Variants in TBL1XR1 observed in about 807,000 individuals in gnomAD.
TBL1XR1 encodes the protein F-box-like/WD repeat-containing protein TBL1XR1.
TBL1XR1 carries 5 observed loss-of-function variants against 66.9 expected under a neutral mutation model. That is an observed-to-expected ratio of 0.07 (90% CI 0.04 to 0.16). The LOEUF (loss-of-function observed/expected upper bound fraction) is 0.16. Ranked by LOEUF, TBL1XR1 falls within the 10% of genes least tolerant of loss-of-function variation. TBL1XR1 has a pLI of 1.00. For synonymous variants in TBL1XR1, 210 were observed against 206.0 expected, an observed-to-expected ratio of 1.02 and a Z score of -0.17; for missense variants, 238 against 623.2, an observed-to-expected ratio of 0.38 and a Z score of 6.58.
rs532922103 is a variant in TBL1XR1 at position 177,159,225 on chromosome 3, A to C, written c.-122+37896T>G. ...GCTGAGGCTGATTCTCCTGCTGCTG[A>C]GGAAAGTAAATAGCTCACTTCCAAT... On this transcript the variant is annotated intron_variant, in intron 1 of 15. Coordinates refer to ENST00000457928, the MANE Select transcript of TBL1XR1 (RefSeq NM_024665.7). 4.3e-4 allele frequency among the ~76,000 whole-genome samples: 66 copies of C among 152,282 alleles called. 1 individual carries two copies. The South Asian group carries it at 0.014, about 32-fold the overall frequency.
chr3:177,029,491 T>G (rs758526083), intron 14 of TBL1XR1, among the ~76,000 whole-genome samples: 5 of 151,876 alleles, frequency 3.3e-5, no homozygotes, highest in African/African-American at 7.3e-5. Flanking sequence ...TGTGGTGGCA[T>G]GCAGCTGTGA....
rs79094855 is a variant in TBL1XR1 at position 177,071,676 on chromosome 3, G to A, written c.-45-6654C>T. Among the ~76,000 whole-genome samples, 366 of 152,234 alleles carry A rather than the reference G, an allele frequency of 2.4e-3. 12 individuals are homozygous for A. In the East Asian group the frequency reaches 0.044, roughly 18 times the overall value. ...ATGCTCGCTCAAATCGAGTGAAGAC[G>A]ATGCAAACTAAATTTAGTACTCAGC... On this transcript the variant is annotated intron_variant, in intron 2 of 15. Coordinates refer to ENST00000457928, the MANE Select transcript of TBL1XR1 (RefSeq NM_024665.7).
intron 1 of TBL1XR1, among the ~76,000 whole-genome samples, chr3:177,110,219 A>G (rs572300965): frequency 1.6e-4 from 24 of 152,346 alleles, no homozygotes; most frequent in Admixed American, 2.0e-4. Context: ...TTCAGTCAAA[A>G]TATTTTCAGA....
rs1311524809 is a variant in TBL1XR1 at position 177,197,358 on chromosome 3, G to A, written c.-359C>T. On this transcript the variant is annotated 5_prime_UTR_variant, in exon 1 of 16. Transcript: ENST00000457928. Reference sequence around the variant, plus strand: ...CGAGCGGAGGTGCTCCCGCCGCGGGGGGAGGGGCGGGGGCGCACGCGGCCG... The same window carrying A: ...CGAGCGGAGGTGCTCCCGCCGCGGGAGGAGGGGCGGGGGCGCACGCGGCCG... The A allele has an allele frequency of 3.4e-5, 5 of 146,816 alleles. No homozygotes were observed. The South Asian group carries it at 7.3e-4, about 22-fold the overall frequency. The allele number at this position is 146,816 out of a possible 1,614,324, so 9.1% of individuals were successfully genotyped here. A position where few individuals can be genotyped will look rare whatever the true frequency, so the allele number is the denominator to read the frequency against.
intron 7 of TBL1XR1, among the ~76,000 whole-genome samples, chr3:177,048,609 A>G (rs1716630358): frequency 6.6e-6 from 1 of 152,190 alleles, no homozygotes; most frequent in Non-Finnish European, 1.5e-5. Flanking sequence ...CATCCTACAC[A>G]ATGTCAAGTT....
chr3:177,132,270 G>A (rs887085740), intron 1 of TBL1XR1, among the ~76,000 whole-genome samples: 4 of 152,276 alleles, frequency 2.6e-5, no homozygotes, highest in African/African-American at 7.2e-5. Flanking sequence ...CTGGTTCCAA[G>A]GTGTTCTCTG....
Position 177,047,281 on chromosome 3 carries a change from G to A in TBL1XR1, c.864+19C>T. The A allele has an allele frequency of 1.3e-6, 2 of 1,537,270 alleles. No homozygotes were observed. The highest frequency in any genetic ancestry group is 1.8e-6 in the Non-Finnish European group (2 of 1,139,984). On this transcript the variant is annotated intron_variant, in intron 9 of 15. Transcript: ENST00000457928. ...GCTCTGTAATACATTTGCCTTTACA[G>A]AACTTAATGAGCTTTTACCTTGTCT...
chr3:177,102,555 T>A (rs1439020773), intron 1 of TBL1XR1, among the ~76,000 whole-genome samples: 2 of 152,234 alleles, frequency 1.3e-5, no homozygotes, highest in East Asian at 3.8e-4. Context: ...GCATTTAAGA[T>A]AGTCTGACAA....
chr3:177,033,118 A>G lies in TBL1XR1; in HGVS notation c.1269T>C (p.Thr423=). ...LMLASASFDS[T]VRLWDVDRGI... ...CTCGGTCTACATCCCATAACCTAAC[A>G]GTAGAATCAAAGGATGCACTGAAAA... Residue 423 remains threonine, a synonymous_variant, in exon 14 of 16, where the codon ACT becomes ACC. Transcript: ENST00000457928. The G allele has an allele frequency of 1.3e-6, 2 of 1,555,868 alleles. No homozygotes were observed. The highest frequency in any genetic ancestry group is 4.6e-5 in the East Asian group (2 of 43,874).
At chr3:177,090,123 G>A (rs1407463753) in intron 2 of TBL1XR1, among the ~76,000 whole-genome samples, 2 of 152,160 alleles carry the variant, frequency 1.3e-5, no homozygotes, top group South Asian at 2.1e-4. Context: ...TAATGGAGTA[G>A]AATGCAGCTG....
At chr3:177,102,741 C>T (rs1724383539) in intron 1 of TBL1XR1, among the ~76,000 whole-genome samples, 1 of 152,156 alleles carries the variant, frequency 6.6e-6, no homozygotes, top group South Asian at 2.1e-4. Flanking sequence ...CATTCCTTAC[C>T]AGAAATGTCC....
intron 1 of TBL1XR1, among the ~76,000 whole-genome samples, chr3:177,187,281 C>T (rs1406259779): frequency 1.1e-4 from 16 of 151,490 alleles, no homozygotes; most frequent in East Asian, 7.9e-4. Flanking sequence ...GCAATCCCAG[C>T]TGCTCGGGAG....
intron 2 of TBL1XR1, among the ~76,000 whole-genome samples, chr3:177,089,073 G>A (rs750896695): frequency 6.6e-6 from 1 of 152,208 alleles, no homozygotes; most frequent in Non-Finnish European, 1.5e-5. Context: ...CTTGTCTTCA[G>A]TCTGGCAAGT....
intron 1 of TBL1XR1, among the ~76,000 whole-genome samples, chr3:177,148,193 T>C (rs1456922558): frequency 2.0e-5 from 3 of 152,226 alleles, no homozygotes; most frequent in South Asian, 2.1e-4. Flanking sequence ...GTAGATTTTT[T>C]AGATGACAGC....
At chr3:177,159,952 T>C (rs986839635) in intron 1 of TBL1XR1, among the ~76,000 whole-genome samples, 4 of 152,240 alleles carry the variant, frequency 2.6e-5, no homozygotes, top group Admixed American at 1.3e-4. Flanking sequence ...ACCACATTAA[T>C]GCATTTAACC....
chr3:177,026,085 C>T (rs549688013), intron 15 of TBL1XR1: 1 of 408,850 alleles, frequency 2.4e-6, no homozygotes, highest in African/African-American at 2.1e-5. Context: ...ACATTTCAAT[C>T]CTTCTCAGAA....
At chr3:177,050,416 T>C in intron 6 of TBL1XR1, 62 bp downstream of exon 6, 2 of 1,576,000 alleles carry the variant, frequency 1.3e-6, no homozygotes, top group Admixed American at 3.6e-5. Flanking sequence ...ATAATGCATA[T>C]GTTTATAAAA....
intron 1 of TBL1XR1, among the ~76,000 whole-genome samples, chr3:177,149,717 G>A (rs1261351118): frequency 2.6e-5 from 4 of 152,106 alleles, no homozygotes; most frequent in South Asian, 4.1e-4. Context: ...AATGGTTGGG[G>A]GGGCCGGAGG....
At chr3:177,103,023 T>G (rs1367048135) in intron 1 of TBL1XR1, among the ~76,000 whole-genome samples, 4 of 152,212 alleles carry the variant, frequency 2.6e-5, no homozygotes, top group Admixed American at 2.6e-4. Context: ...TTAAGATATA[T>G]ATGCTGATAA....
Sources: allele counts gnomAD v4.1 joint callset (sites outside exome capture counted in the v4.1 genomes callset), GRCh38; gene constraint gnomAD v4.1.1; transcripts MANE v1.5; gene names NCBI Gene and HGNC (gene_info 2026-07-23, HGNC 2026-07-21).